The following MAST4 variants were observed in gnomAD, a reference collection of about 807,000 sequenced individuals.
MAST4 encodes microtubule associated serine/threonine kinase family member 4.
MAST4 carries 89 observed loss-of-function variants against 162.7 expected under a neutral mutation model. The ratio of observed to expected loss-of-function variants is 0.55; its 90% CI spans 0.46 to 0.65. The LOEUF (loss-of-function observed/expected upper bound fraction) is 0.65, where lower values mean the gene tolerates loss of function less well. Ranked by LOEUF, MAST4 falls within the 30% of genes least tolerant of loss-of-function variation. The pLI, the probability that MAST4 is intolerant of heterozygous loss-of-function variation, is 0.00. For missense variants in MAST4, 3,153 were observed against 3,374.0 expected (o/e 0.93, Z 1.62); for synonymous variants, 1,479 against 1,361.1 (o/e 1.09, Z -1.91).
chr5:66,616,122 T>G (rs1743662652), intron 1 of MAST4, among the ~76,000 whole-genome samples: 1 of 152,178 alleles, frequency 6.6e-6, no homozygotes, highest in South Asian at 2.1e-4. Flanking sequence ...AAACTTTATT[T>G]TGTAGCTTAA....
At chr5:67,157,537 T>C (rs1772683595) in intron 26 of MAST4, among the ~76,000 whole-genome samples, 2 of 152,258 alleles carry the variant, frequency 1.3e-5, no homozygotes, top group South Asian at 4.1e-4. Context: ...GACAGTCTTA[T>C]ACTTTTACCA....
intron 23 of MAST4, among the ~76,000 whole-genome samples, chr5:67,147,533 A>G (rs906515507): frequency 6.6e-6 from 1 of 152,162 alleles, no homozygotes; most frequent in Non-Finnish European, 1.5e-5. Context: ...TCATGACTAC[A>G]TTGTGTTTGA....
At chr5:67,060,317 C>A (rs918937416) in intron 5 of MAST4, among the ~76,000 whole-genome samples, 1 of 151,848 alleles carries the variant, frequency 6.6e-6, no homozygotes, top group African/African-American at 2.4e-5. Flanking sequence ...TATAAACAGG[C>A]ATGTTAATGC....
intron 4 of MAST4, among the ~76,000 whole-genome samples, chr5:66,977,707 G>GA (rs1459772526): frequency 7.2e-5 from 11 of 151,930 alleles, no homozygotes; most frequent in African/African-American, 7.2e-5. Context: ...TTTCCAAAAG[G>GA]AAAAAAGATT....
At chr5:66,946,983 C>T (rs779977543) in intron 4 of MAST4, among the ~76,000 whole-genome samples, 13 of 152,012 alleles carry the variant, frequency 8.6e-5, no homozygotes, top group Non-Finnish European at 1.3e-4. Flanking sequence ...AAGATCATTA[C>T]CTTAGTGCCC....
At chr5:66,628,172 A>G (rs917276192) in intron 1 of MAST4, among the ~76,000 whole-genome samples, 2 of 151,918 alleles carry the variant, frequency 1.3e-5, no homozygotes, top group African/African-American at 2.4e-5. Flanking sequence ...AGCTAGGACT[A>G]TAGGCACACG....
intron 3 of MAST4, among the ~76,000 whole-genome samples, chr5:66,871,733 G>A (rs1261908568): frequency 6.6e-6 from 1 of 152,182 alleles, no homozygotes; most frequent in Non-Finnish European, 1.5e-5. Flanking sequence ...AGGTCAACGT[G>A]TCAACTTTCG....
At chr5:67,124,695 T>C (rs1163816815) in intron 14 of MAST4, among the ~76,000 whole-genome samples, 3 of 152,322 alleles carry the variant, frequency 2.0e-5, no homozygotes, top group African/African-American at 7.2e-5. Flanking sequence ...AAGCTACTTA[T>C]AGGATTCTTT....
chr5:66,721,970 T>C (rs1242506021), intron 1 of MAST4, among the ~76,000 whole-genome samples: 2 of 152,132 alleles, frequency 1.3e-5, no homozygotes, highest in Non-Finnish European at 2.9e-5. Flanking sequence ...TCTGCACTGC[T>C]GCTACCCTGG....
intron 1 of MAST4, among the ~76,000 whole-genome samples, chr5:66,704,660 T>C (rs573779432): frequency 9.2e-5 from 14 of 152,064 alleles, no homozygotes; most frequent in African/African-American, 3.4e-4. Flanking sequence ...GCCACCATGC[T>C]TGGCTAATTT....
At chr5:67,071,239 C>A (rs759328967) in intron 5 of MAST4, among the ~76,000 whole-genome samples, 2 of 152,070 alleles carry the variant, frequency 1.3e-5, no homozygotes, top group East Asian at 3.8e-4. Context: ...TACAAACAAC[C>A]GAAACTATCT....
chr5:66,859,068 T>C (rs1660793959), intron 3 of MAST4, among the ~76,000 whole-genome samples: 1 of 152,150 alleles, frequency 6.6e-6, no homozygotes, highest in Admixed American at 6.5e-5. Context: ...AATCTCATGA[T>C]GTTTTAGTAG....
chr5:67,118,838 T>G, intron 13 of MAST4, 89 bp downstream of exon 13: 1 of 757,758 alleles, frequency 1.3e-6, no homozygotes. Flanking sequence ...GTTCAACAAA[T>G]GTTTATTGTG....
At chr5:66,755,124 A>G (rs945571054) in intron 1 of MAST4, among the ~76,000 whole-genome samples, 8 of 151,912 alleles carry the variant, frequency 5.3e-5, no homozygotes, top group Non-Finnish European at 8.8e-5. Context: ...TTGAGATGCT[A>G]TTGCAAGAGA....
In MAST4 at chr5:67,165,363, C is replaced by T. The variant is rs373147693; in HGVS notation, c.6184C>T (p.His2062Tyr). ...CCCGCCCAGAGACAACTCCTCTCTGCACTCAGCTGGAATTCCCTGTGAGAA... is the reference window on the plus strand; with the variant it reads ...CCCGCCCAGAGACAACTCCTCTCTGTACTCAGCTGGAATTCCCTGTGAGAA... ...RPPPRDNSSL[H>Y]SAGIPCEKEL... Residue 2062 changes from histidine (H) to tyrosine (Y), a missense_variant, in exon 29 of 29, where the codon CAC (histidine) becomes TAC (tyrosine). By Grantham distance (83) the His-to-Tyr change is moderately conservative. Coordinates refer to ENST00000403625, the MANE Select transcript of MAST4 (RefSeq NM_001164664.2). 3.7e-6 allele frequency: 6 copies of T among 1,613,594 alleles called. No homozygotes were observed. The highest frequency in any genetic ancestry group is 5.1e-6 in the Non-Finnish European group (6 of 1,179,880).
chr5:66,606,748 A>G (rs893819015), intron 1 of MAST4, among the ~76,000 whole-genome samples: 179 of 152,158 alleles, frequency 1.2e-3, no homozygotes, highest in African/African-American at 4.1e-3. Context: ...AAATCTTGCA[A>G]CAGGGAGGGT....
At chr5:67,010,923 A>G (rs1279502828) in intron 4 of MAST4, among the ~76,000 whole-genome samples, 1 of 152,138 alleles carries the variant, frequency 6.6e-6, no homozygotes, top group Non-Finnish European at 1.5e-5. Context: ...GGGCAGCTAA[A>G]TACAGCAGCA....
rs918450730 is a variant in MAST4 at position 67,067,852 on chromosome 5, A to G, written c.763+13360A>G. 2.2e-4 allele frequency among the ~76,000 whole-genome samples: 34 copies of G among 152,190 alleles called. 1 individual carries two copies. Among genetic ancestry groups the G allele is most frequent in the Non-Finnish European group, 7.4e-5 (5 of 68,022 alleles). On this transcript the variant is annotated intron_variant, in intron 5 of 28. Transcript: ENST00000403625. ...ACAGCCCCTACCCCACCTTTGCTTCATTCAACCAGAGAAGCTCAACCTGTC... is the reference window on the plus strand; with the variant it reads ...ACAGCCCCTACCCCACCTTTGCTTCGTTCAACCAGAGAAGCTCAACCTGTC...
At chr5:66,802,077 C>G (rs1188484748) in intron 3 of MAST4, among the ~76,000 whole-genome samples, 2 of 152,060 alleles carry the variant, frequency 1.3e-5, no homozygotes, top group Admixed American at 6.6e-5. Context: ...TTTAAATAAG[C>G]CCTCTTATCG....
Sources: allele counts gnomAD v4.1 joint callset (sites outside exome capture counted in the v4.1 genomes callset), GRCh38; gene constraint gnomAD v4.1.1; transcripts MANE v1.5; gene names NCBI Gene and HGNC (gene_info 2026-07-23, HGNC 2026-07-21).